SLC2A9: variants seen among roughly 807,000 people sequenced by gnomAD.
The protein encoded by SLC2A9 is solute carrier family 2 member 9.
In SLC2A9, 39 loss-of-function variants were observed where a neutral mutation model predicts 50.6. That is an observed-to-expected ratio of 0.77 (90% CI 0.60 to 1.01). The LOEUF (loss-of-function observed/expected upper bound fraction) is 1.01. Ranked by LOEUF, SLC2A9 falls within the 50% of genes least tolerant of loss-of-function variation. The pLI is 0.00. For missense variants in SLC2A9, 686 were observed against 677.6 expected (o/e 1.01, Z -0.14); for synonymous variants, 324 against 276.9 (o/e 1.17, Z -1.69).
chr4:10,029,594 A>T (rs6856430), intron 1 of SLC2A9, among the ~76,000 whole-genome samples: 6,301 of 129,626 alleles, frequency 0.049, 210 homozygotes, highest in African/African-American at 0.075. Context: ...TTTATTTTAT[A>T]TTATTTTATT....
intron 10 of SLC2A9, among the ~76,000 whole-genome samples, chr4:9,882,788 G>GGACA (rs541032033): frequency 1.3e-5 from 2 of 151,700 alleles, no homozygotes; most frequent in Non-Finnish European, 2.9e-5. Context: ...CTATCCTCTA[G>GGACA]GACAGACAGA....
chr4:9,844,838 C>T (rs570194677), intron 10 of SLC2A9, among the ~76,000 whole-genome samples: 1 of 152,254 alleles, frequency 6.6e-6, no homozygotes, highest in Admixed American at 6.5e-5. Flanking sequence ...AACAATAGTT[C>T]CTACTTAGTT....
chr4:9,855,612 C>T (rs1730607580), intron 10 of SLC2A9, among the ~76,000 whole-genome samples: 1 of 152,066 alleles, frequency 6.6e-6, no homozygotes, highest in African/African-American at 2.4e-5. Flanking sequence ...TTAGAAAAAA[C>T]TATTATAAAA....
intron 11 of SLC2A9, among the ~76,000 whole-genome samples, chr4:9,830,947 TGAGGAAACCCAGGCTTGGA>T (rs1173855619): frequency 2.6e-5 from 4 of 152,100 alleles, no homozygotes; most frequent in African/African-American, 9.7e-5. Context: ...GTTTTACAGG[TGAGGAAACCCAGGCTTGGA>T]GAGGAAACCC....
chr4:10,026,966 C>A (rs1560508914), intron 1 of SLC2A9, among the ~76,000 whole-genome samples: 1 of 152,042 alleles, frequency 6.6e-6, no homozygotes, highest in African/African-American at 2.4e-5. Flanking sequence ...ATTGCTTGAA[C>A]CCAGGAGGCA....
At chr4:9,854,193 TTC>T (rs1301794024) in intron 10 of SLC2A9, among the ~76,000 whole-genome samples, 1 of 152,030 alleles carries the variant, frequency 6.6e-6, no homozygotes, top group African/African-American at 2.4e-5. Flanking sequence ...TATCAATGAA[TTC>T]AAGAGTTGAT....
downstream of SLC2A9, among the ~76,000 whole-genome samples, chr4:9,797,192 A>T (rs1720698646): frequency 6.6e-6 from 1 of 152,170 alleles, no homozygotes; most frequent in Admixed American, 6.5e-5. Context: ...TGGTCACTGC[A>T]AGGACAAAGG....
In SLC2A9 at chr4:10,019,003, T is replaced by C. The variant is rs1294085721; in HGVS notation, c.221A>G (p.Asn74Ser). The part of the protein sequence containing the change: ...AFGSSFLYGY[N>S]LSVVNAPTPY... ...GGTGGGGGCATTCACCACCGACAGG[T>C]TGTAGCCGTAGAGGAAGGAGGAGCC... The change falls in exon 2 of 12, where the codon AAC becomes AGC. Residue 74 changes from asparagine to serine, a missense_variant. Transcript: ENST00000264784. 1.3e-6 allele frequency: 2 copies of C among 1,549,450 alleles called. No homozygotes were observed. Among genetic ancestry groups the C allele is most frequent in the African/African-American group, 2.7e-5 (2 of 72,744 alleles).
At chr4:9,844,744 A>T (rs1305672483) in intron 10 of SLC2A9, among the ~76,000 whole-genome samples, 1 of 152,228 alleles carries the variant, frequency 6.6e-6, no homozygotes, top group Non-Finnish European at 1.5e-5. Flanking sequence ...GATAAACCTG[A>T]TATAAATTCC....
intron 3 of SLC2A9, among the ~76,000 whole-genome samples, chr4:9,996,135 T>G (rs1758607124): frequency 6.6e-6 from 1 of 152,228 alleles, no homozygotes; most frequent in Non-Finnish European, 1.5e-5. Flanking sequence ...AAGGCTGATA[T>G]GAAGTTTTTG....
intron 3 of SLC2A9, among the ~76,000 whole-genome samples, chr4:9,804,318 A>T (rs892486795): frequency 2.6e-5 from 4 of 152,202 alleles, no homozygotes; most frequent in Non-Finnish European, 5.9e-5. Context: ...AGAGGTCAAC[A>T]CACATGTAGA....
At chr4:9,827,178 T>G (rs1253334042) in intron 11 of SLC2A9, among the ~76,000 whole-genome samples, 5 of 152,230 alleles carry the variant, frequency 3.3e-5, no homozygotes, top group African/African-American at 1.2e-4. Context: ...TCCTGATTAG[T>G]GTTTGGACTA....
intron 2 of SLC2A9, among the ~76,000 whole-genome samples, chr4:10,015,868 C>T (rs1046320928): frequency 6.6e-6 from 1 of 152,186 alleles, no homozygotes; most frequent in Non-Finnish European, 1.5e-5. Context: ...GAATGGAATG[C>T]GCCTGGCATG....
Position 9,920,506 on chromosome 4 carries a change from C to T in SLC2A9, c.881G>A (p.Arg294His), listed in dbSNP as rs3733591. The change falls in exon 7 of 12, where the codon CGC (arginine) becomes CAC (histidine). Residue 294 changes from arginine (R) to histidine (H), a missense_variant. Coordinates refer to ENST00000264784, the MANE Select transcript of SLC2A9 (RefSeq NM_020041.3). ...QEVEEVLAESRVQRSIRLVSV... is the reference protein window; with the variant it reads ...QEVEEVLAESHVQRSIRLVSV... ...CACCAGGCGGATGCTCCTCTGCACG[C>T]GGCTCTCAGCCAGGACCTCCTCTAC... The T allele has an allele frequency of 0.21, 340,998 of 1,614,018 alleles. 43,797 individuals carry two copies. Among genetic ancestry groups the T allele is most frequent in the East Asian group, 0.69 (30,867 of 44,864 alleles).
In SLC2A9 at chr4:9,986,768, C is replaced by G. The variant is rs138616283; in HGVS notation, c.411-975G>C. Among the ~76,000 whole-genome samples, 389 of 152,324 alleles carry G rather than the reference C, an allele frequency of 2.6e-3. 6 individuals are homozygous for G. Among genetic ancestry groups the G allele is most frequent in the African/African-American group, 9.1e-3 (380 of 41,574 alleles). On this transcript the variant is annotated intron_variant, in intron 3 of 11. Transcript: ENST00000264784. ...TTTCCATGGCAATAATTATTATTAA[C>G]AGCTCTGTGTCAGGACTGCCATCAC...
chr4:9,830,620 T>C (rs938191028), intron 11 of SLC2A9, among the ~76,000 whole-genome samples: 8 of 152,244 alleles, frequency 5.3e-5, no homozygotes, highest in African/African-American at 1.9e-4. Flanking sequence ...ATTCTTCAGG[T>C]TGAAAAGAAT....
intron 10 of SLC2A9, among the ~76,000 whole-genome samples, chr4:9,860,976 C>A (rs1476359196): frequency 6.6e-6 from 1 of 152,186 alleles, no homozygotes; most frequent in Non-Finnish European, 1.5e-5. Flanking sequence ...TGTGGAGAGG[C>A]CTTCCCTGGC....
intron 10 of SLC2A9, among the ~76,000 whole-genome samples, chr4:9,835,947 C>T (rs1427268796): frequency 2.6e-5 from 4 of 151,622 alleles, no homozygotes; most frequent in Admixed American, 6.6e-5. Context: ...ATTAGCTGGG[C>T]GTGGTGGTGC....
At chr4:9,892,775 C>A (rs746406424) in intron 8 of SLC2A9, among the ~76,000 whole-genome samples, 17 of 152,160 alleles carry the variant, frequency 1.1e-4, no homozygotes, top group South Asian at 2.1e-4. Flanking sequence ...AACTCTTACC[C>A]GTAGCTGGCT....
Sources: allele counts gnomAD v4.1 joint callset (sites outside exome capture counted in the v4.1 genomes callset), GRCh38; gene constraint gnomAD v4.1.1; transcripts MANE v1.5; gene names NCBI Gene and HGNC (gene_info 2026-07-23, HGNC 2026-07-21).